ADGRV1: variants seen among roughly 807,000 people sequenced by gnomAD.
ADGRV1 encodes adhesion G protein-coupled receptor V1, also known as G-protein coupled receptor 98.
ADGRV1 carries 359 observed loss-of-function variants against 596.2 expected under a neutral mutation model. That is an observed-to-expected ratio of 0.60 (90% CI 0.55 to 0.66). ADGRV1 has a LOEUF of 0.66. Ranked by LOEUF, ADGRV1 falls within the 30% of genes least tolerant of loss-of-function variation. ADGRV1 has a pLI of 0.00. For synonymous variants in ADGRV1, 2,681 were observed against 2,679.2 expected, an observed-to-expected ratio of 1.00 and a Z score of -0.02; for missense variants, 7,274 against 7,575.6, an observed-to-expected ratio of 0.96 and a Z score of 1.48.
At chr5:91,141,388 A>G (rs1452069659) in intron 87 of ADGRV1, among the ~76,000 whole-genome samples, 1 of 152,236 alleles carries the variant, frequency 6.6e-6, no homozygotes, top group Non-Finnish European at 1.5e-5. Flanking sequence ...AAAGCATTTG[A>G]GCAATAATTG....
At chr5:90,747,670 C>T (rs905029009) in intron 52 of ADGRV1, among the ~76,000 whole-genome samples, 13 of 152,130 alleles carry the variant, frequency 8.5e-5, no homozygotes, top group African/African-American at 3.1e-4. Flanking sequence ...GCACCCTCTG[C>T]CTGGCACATA....
Position 90,685,864 on chromosome 5 carries a change from T to C in ADGRV1, c.6359T>C (p.Leu2120Pro). 6.2e-7 allele frequency: 1 copy of C among 1,612,428 alleles called. No individual in the cohort carries two copies. The highest frequency in any genetic ancestry group is 2.2e-5 in the East Asian group (1 of 44,826). ...GCCAATGATGATGCATTTGGAACTC[T>C]TCAGCTCTCAGCACCAATTGTCCGA... ...IIANDDAFGT[L>P]QLSAPIVRVA... Residue 2120 changes from leucine (L) to proline (P), a missense_variant, in exon 29 of 90, where the codon CTT (leucine) becomes CCT (proline). Leu to Pro is a moderately conservative substitution (Grantham distance 98, BLOSUM62 -3). Around this residue, in one of 5 missense-constraint regions of ADGRV1, gnomAD observed 3,643 missense variants for 3,809.2 expected, o/e 0.96. Transcript: ENST00000405460.
chr5:90,601,492 A>T (rs1459886468), intron 1 of ADGRV1, among the ~76,000 whole-genome samples: 1 of 152,226 alleles, frequency 6.6e-6, no homozygotes, highest in Admixed American at 6.5e-5. Context: ...ACCGTACTAA[A>T]CCAATCAGGA....
At chr5:90,688,118 A>C (rs1176151165) in intron 29 of ADGRV1, among the ~76,000 whole-genome samples, 2 of 152,148 alleles carry the variant, frequency 1.3e-5, no homozygotes, top group Admixed American at 6.5e-5. Flanking sequence ...ACAAAGCTGG[A>C]GGCATCACGC....
intron 88 of ADGRV1, among the ~76,000 whole-genome samples, 189 bp downstream of exon 88, chr5:91,150,410 G>A (rs1795954409): frequency 6.6e-6 from 1 of 152,120 alleles, no homozygotes; most frequent in African/African-American, 2.4e-5. Flanking sequence ...TCTGACCTAT[G>A]GTACTTGGTT....
At chr5:91,132,546 A>G (rs1794302080) in intron 87 of ADGRV1, among the ~76,000 whole-genome samples, 1 of 152,238 alleles carries the variant, frequency 6.6e-6, no homozygotes, top group Admixed American at 6.5e-5. Context: ...GAAGATTTGA[A>G]TAAAATAATC....
chr5:90,741,484 TC>T (rs1171215471), intron 50 of ADGRV1, among the ~76,000 whole-genome samples: 4 of 152,192 alleles, frequency 2.6e-5, no homozygotes, highest in African/African-American at 9.7e-5. Flanking sequence ...TATTTGCTTT[TC>T]TTATTCCTCA....
At chr5:90,875,280 A>G (rs1769121030) in intron 83 of ADGRV1, among the ~76,000 whole-genome samples, 1 of 152,218 alleles carries the variant, frequency 6.6e-6, no homozygotes, top group African/African-American at 2.4e-5. Context: ...ATTGTATTAT[A>G]ATTCTTGGTT....
At chr5:90,853,904 A>G (rs1766775390) in intron 80 of ADGRV1, among the ~76,000 whole-genome samples, 158 bp from the exon 81 acceptor site, 2 of 152,174 alleles carry the variant, frequency 1.3e-5, no homozygotes. Flanking sequence ...ATGGAAAACC[A>G]ATCAGATGTC....
chr5:90,967,549 T>C (rs1291008454), intron 84 of ADGRV1, among the ~76,000 whole-genome samples: 1 of 152,192 alleles, frequency 6.6e-6, no homozygotes, highest in Non-Finnish European at 1.5e-5. Context: ...CTGCCTGTAT[T>C]GAGGTCCCCA....
intron 83 of ADGRV1, among the ~76,000 whole-genome samples, chr5:90,901,668 T>C (rs903491950): frequency 6.6e-6 from 1 of 152,146 alleles, no homozygotes; most frequent in Non-Finnish European, 1.5e-5. Flanking sequence ...ATTTAATACA[T>C]AGTATGACTG....
chr5:90,797,287 CAAA>C (rs780696194), intron 70 of ADGRV1, among the ~76,000 whole-genome samples: 3 of 26,350 alleles, frequency 1.1e-4, no homozygotes, highest in Non-Finnish European at 1.5e-4. Context: ...AAATGAAAAG[CAAA>C]AAAAAAAAAA....
intron 48 of ADGRV1, among the ~76,000 whole-genome samples, chr5:90,726,736 T>C (rs1434142809): frequency 6.6e-6 from 1 of 152,132 alleles, no homozygotes. Flanking sequence ...AACTTAGATG[T>C]CTTGGAGTTT....
chr5:90,835,552 A>G (rs1764901270), intron 77 of ADGRV1, among the ~76,000 whole-genome samples: 1 of 152,192 alleles, frequency 6.6e-6, no homozygotes, highest in Non-Finnish European at 1.5e-5. Context: ...ACTGCATAAC[A>G]TATATCATAG....
At chr5:90,831,227 C>A (rs1373443737) in intron 77 of ADGRV1, among the ~76,000 whole-genome samples, 2 of 151,182 alleles carry the variant, frequency 1.3e-5, no homozygotes, top group East Asian at 3.9e-4. Context: ...ATCTCTCTCT[C>A]TCTCTCTCTA....
intron 85 of ADGRV1, among the ~76,000 whole-genome samples, chr5:91,070,905 T>C (rs1032203577): frequency 2.0e-5 from 3 of 152,060 alleles, no homozygotes; most frequent in Non-Finnish European, 2.9e-5. Context: ...AAAAACAAGA[T>C]TGTGGAGATG....
intron 85 of ADGRV1, among the ~76,000 whole-genome samples, chr5:91,047,408 A>G (rs1214389072): frequency 6.6e-6 from 1 of 152,154 alleles, no homozygotes; most frequent in African/African-American, 2.4e-5. Context: ...CAAGCTGAGG[A>G]GCAACGAAGC....
At chr5:90,655,704 T>C (rs1769302597) in intron 20 of ADGRV1, 1 of 152,200 alleles carries the variant, frequency 6.6e-6, no homozygotes, top group Non-Finnish European at 1.5e-5. Context: ...GCTTAGCTTC[T>C]TCCATCTTTA....
chr5:90,705,555 A>G lies in ADGRV1; in HGVS notation c.8542A>G (p.Ile2848Val). The G allele has an allele frequency of 1.2e-6, 2 of 1,613,776 alleles. No individual in the cohort carries two copies. Among genetic ancestry groups the G allele is most frequent in the Non-Finnish European group, 1.7e-6 (2 of 1,179,756 alleles). ...GGCTAACATAACAATTCAGCTTTTC[A>G]TCAACAGAGAATTTGGATCTCTAGG... ...QEANITIQLF[I>V]NREFGSLGAI... The change falls in exon 37 of 90, where the codon ATC becomes GTC. Residue 2848 changes from isoleucine to valine, a missense_variant. Physicochemically the swap from Ile to Val is conservative, Grantham distance 29. Coordinates refer to ENST00000405460, the MANE Select transcript of ADGRV1 (RefSeq NM_032119.4).
Sources: gnomAD v4.1 joint callset for allele counts (sites outside exome capture counted in the v4.1 genomes callset) on GRCh38, gnomAD v4.1.1 for gene constraint, gnomAD v4.1.1 regional missense constraint, MANE v1.5 for transcripts, NCBI Gene and HGNC (gene_info 2026-07-23, HGNC 2026-07-21) for gene names.